The following DPP6 variants were observed in gnomAD, a reference collection of about 807,000 sequenced individuals.
DPP6 encodes A-type potassium channel modulatory protein DPP6.
In DPP6, 69 loss-of-function variants were observed where a neutral mutation model predicts 122.6. The ratio of observed to expected loss-of-function variants is 0.56; its 90% CI spans 0.46 to 0.69. The LOEUF (loss-of-function observed/expected upper bound fraction) is 0.69. Among genes scored for constraint, DPP6 ranks in the 30% least tolerant of loss-of-function variants. DPP6 has a pLI of 0.00. For synonymous variants in DPP6, 418 were observed against 433.1 expected, an observed-to-expected ratio of 0.97 and a Z score of 0.43; for missense variants, 928 against 1,116.9, an observed-to-expected ratio of 0.83 and a Z score of 2.41.
intron 5 of DPP6, among the ~76,000 whole-genome samples, chr7:154,574,239 GGTGT>G (rs1357099284): frequency 2.0e-5 from 3 of 147,264 alleles, no homozygotes; most frequent in Admixed American, 2.0e-4. Flanking sequence ...TGTGTGGTGT[GGTGT>G]GTATGTGTGG....
chr7:154,435,881 T>C (rs549610535), intron 1 of DPP6, among the ~76,000 whole-genome samples: 2 of 152,330 alleles, frequency 1.3e-5, no homozygotes, highest in South Asian at 4.1e-4. Flanking sequence ...AGCAGTGTAA[T>C]GGGAGATCCT....
rs1379708611 is a variant in DPP6 at position 154,481,274 on chromosome 7, A to G, written c.457+6237A>G. On this transcript the variant is annotated intron_variant, in intron 3 of 25. Transcript: ENST00000377770. The surrounding 1 kb of genome is among the most constrained non-coding windows in gnomAD (Gnocchi z 4.2). Reference sequence around the variant, plus strand: ...ACCCCCACAATGTTAGGTATTGTCTATATGATGATGAGTTTCAATTCTCTA... The same window carrying G: ...ACCCCCACAATGTTAGGTATTGTCTGTATGATGATGAGTTTCAATTCTCTA... 1.3e-5 allele frequency among the ~76,000 whole-genome samples: 2 copies of G among 151,994 alleles called. No individual in the cohort carries two copies. Among genetic ancestry groups the G allele is most frequent in the Non-Finnish European group, 2.9e-5 (2 of 67,996 alleles).
intron 1 of DPP6, among the ~76,000 whole-genome samples, chr7:154,111,756 T>G (rs1249787407): frequency 2.6e-5 from 4 of 152,118 alleles, no homozygotes; most frequent in African/African-American, 9.7e-5. Flanking sequence ...CATCTGAATA[T>G]GGCTGAAGCA....
intron 1 of DPP6, among the ~76,000 whole-genome samples, chr7:154,016,663 A>G (rs1423402342): frequency 1.3e-5 from 2 of 152,156 alleles, no homozygotes; most frequent in African/African-American, 4.8e-5. Context: ...GATTTGCTCT[A>G]TTTTGGATAT....
chr7:154,482,234 A>T (rs1823369359), intron 3 of DPP6, among the ~76,000 whole-genome samples: 3 of 152,086 alleles, frequency 2.0e-5, no homozygotes, highest in African/African-American at 7.2e-5. Flanking sequence ...CTGAGGGAGA[A>T]GAGCCAGAGA....
At chr7:153,819,565 C>T in the DPP6 span, among the ~76,000 whole-genome samples, 1 of 152,040 alleles carries the variant, frequency 6.6e-6, no homozygotes, top group Admixed American at 6.6e-5. Context: ...CCCACAGACA[C>T]CACACAGTAC....
At chr7:153,930,807 G>T (rs1160603601) in intron 1 of DPP6, among the ~76,000 whole-genome samples, 1 of 152,124 alleles carries the variant, frequency 6.6e-6, no homozygotes, top group East Asian at 1.9e-4. Flanking sequence ...GTAAGGACAT[G>T]GTCTCTTGAA....
chr7:154,448,047 A>G (rs1158292226), intron 2 of DPP6, among the ~76,000 whole-genome samples: 3 of 152,236 alleles, frequency 2.0e-5, no homozygotes, highest in African/African-American at 7.2e-5. Flanking sequence ...ATGGCTATTT[A>G]ACATTATATT....
chr7:154,064,033 T>C (rs557331033), intron 1 of DPP6, among the ~76,000 whole-genome samples: 4 of 152,032 alleles, frequency 2.6e-5, no homozygotes, highest in Non-Finnish European at 5.9e-5. Flanking sequence ...CCAGGAGTTA[T>C]TGCAACCCAG....
intron 16 of DPP6, among the ~76,000 whole-genome samples, chr7:154,818,792 A>G (rs1799578184): frequency 6.6e-6 from 1 of 152,200 alleles, no homozygotes; most frequent in Non-Finnish European, 1.5e-5. Context: ...TCAGTCTCTC[A>G]AACATTTGGA....
At chr7:154,459,516 A>G (rs1279412815) in intron 2 of DPP6, among the ~76,000 whole-genome samples, 1 of 152,198 alleles carries the variant, frequency 6.6e-6, no homozygotes, top group Non-Finnish European at 1.5e-5. Flanking sequence ...AGTAATATGT[A>G]TAAATAGAAA....
At position 154,436,846 on chromosome 7, in the gene DPP6, C is replaced by T. The variant is rs532067936; in HGVS notation, c.244-9368C>T. Among the ~76,000 whole-genome samples, 34 of 152,284 alleles carry T rather than the reference C, an allele frequency of 2.2e-4. 1 individual carries two copies. The highest frequency in any genetic ancestry group is 7.7e-4 in the African/African-American group (32 of 41,550). ...TTTCTGGCTTGTCTTCATGAACTTA[C>T]GTGTGAACCACTCACTTAGTGTAGT... is the stretch of plus-strand genomic sequence containing the variant. On this transcript the variant is annotated intron_variant, in intron 1 of 25. Coordinates refer to ENST00000377770, the MANE Select transcript of DPP6 (RefSeq NM_130797.4).
At position 153,975,061 on chromosome 7, in the gene DPP6, T is replaced by G. The variant is rs540844029; in HGVS notation, c.51+87327T>G. On this transcript the variant is annotated intron_variant, in intron 1 of 25. Transcript: ENST00000404039. ...TCAATGTTCCTCTTTACTTAGCAAA[T>G]ACTAAATACCTACTACGTACCAGCC... Among the ~76,000 whole-genome samples, 262 of 152,270 alleles carry G rather than the reference T, an allele frequency of 1.7e-3. 3 individuals are homozygous for G. The highest frequency in any genetic ancestry group is 6.1e-3 in the African/African-American group (255 of 41,550).
chr7:153,808,270 T>C, the DPP6 span, among the ~76,000 whole-genome samples: 1 of 149,592 alleles, frequency 6.7e-6, no homozygotes, highest in Non-Finnish European at 1.5e-5. Flanking sequence ...TGTGCCTGTG[T>C]GTGCGCACGT....
the DPP6 span, among the ~76,000 whole-genome samples, chr7:153,785,994 T>C: frequency 1.3e-5 from 2 of 152,164 alleles, no homozygotes; most frequent in Admixed American, 1.3e-4. Context: ...TAAATATTTG[T>C]TATTTCAAAT....
intron 1 of DPP6, among the ~76,000 whole-genome samples, chr7:154,068,210 C>T (rs1296652274): frequency 1.3e-5 from 2 of 151,794 alleles, no homozygotes; most frequent in Non-Finnish European, 2.9e-5. Flanking sequence ...GAGGAGGCAT[C>T]GGCTTGACAC....
At chr7:154,421,523 C>G (rs748140092) in intron 1 of DPP6, among the ~76,000 whole-genome samples, 1 of 152,032 alleles carries the variant, frequency 6.6e-6, no homozygotes, top group Non-Finnish European at 1.5e-5. Context: ...AGGGTTTCAC[C>G]ATGTTGGCCA....
intron 1 of DPP6, among the ~76,000 whole-genome samples, chr7:154,338,237 C>T (rs4523165): frequency 3.3e-5 from 5 of 152,036 alleles, no homozygotes; most frequent in African/African-American, 4.8e-5. Flanking sequence ...TGGTCAGGGG[C>T]GGCTTTCCAA....
At chr7:154,279,832 A>C (rs572199691) in intron 1 of DPP6, among the ~76,000 whole-genome samples, 1 of 152,316 alleles carries the variant, frequency 6.6e-6, no homozygotes, top group East Asian at 1.9e-4. Context: ...TAAATCAAAA[A>C]CCCACACACA....
Sources: allele counts gnomAD v4.1 joint callset (sites outside exome capture counted in the v4.1 genomes callset), GRCh38; gene constraint gnomAD v4.1.1; non-coding constraint Gnocchi (gnomAD v3.1); transcripts MANE v1.5; gene names NCBI Gene and HGNC (gene_info 2026-07-23, HGNC 2026-07-21).